ASTN2: variants seen among roughly 807,000 people sequenced by gnomAD.
ASTN2 encodes astrotactin 2.
ASTN2 carries 54 observed loss-of-function variants against 139.8 expected under a neutral mutation model. The observed-to-expected ratio is 0.39, with a 90% CI of 0.31 to 0.48. The LOEUF is 0.48. Ranked by LOEUF, ASTN2 falls within the 20% of genes least tolerant of loss-of-function variation. The probability of loss-of-function intolerance (pLI) is 0.95; values close to 1 mark genes in which losing one functional copy is unlikely to be tolerated. For missense variants in ASTN2, 1,565 were observed against 1,725.1 expected, an observed-to-expected ratio of 0.91 and a Z score of 1.64; for synonymous variants, 756 against 719.5, an observed-to-expected ratio of 1.05 and a Z score of -0.81.
intron 19 of ASTN2, among the ~76,000 whole-genome samples, chr9:116,533,958 C>G (rs1851487782): frequency 6.6e-6 from 1 of 152,170 alleles, no homozygotes; most frequent in African/African-American, 2.4e-5. Flanking sequence ...CCTTGTACCT[C>G]TGGTAGAATT....
intron 19 of ASTN2, chr9:116,582,906 T>C (rs1225942641): frequency 6.6e-6 from 1 of 152,262 alleles, no homozygotes. Flanking sequence ...CTGTCTTGTC[T>C]CCTCTCGACA....
At chr9:116,667,013 C>T (rs1858909668) in intron 16 of ASTN2, among the ~76,000 whole-genome samples, 3 of 124,982 alleles carry the variant, frequency 2.4e-5, no homozygotes, top group Non-Finnish European at 4.7e-5. Context: ...TGGGGTGTAG[C>T]GGTGTGATCT....
intron 19 of ASTN2, among the ~76,000 whole-genome samples, chr9:116,607,340 C>G (rs1233589794): frequency 1.3e-5 from 2 of 151,874 alleles, no homozygotes; most frequent in African/African-American, 2.4e-5. Flanking sequence ...AAACAACTGC[C>G]CACCCACAAA....
At chr9:117,072,820 A>T (rs147004422) in intron 5 of ASTN2, among the ~76,000 whole-genome samples, 180 of 152,296 alleles carry the variant, frequency 1.2e-3, no homozygotes, top group African/African-American at 4.1e-3. Context: ...CAGAACTAAA[A>T]CCTTTGACTT....
At chr9:116,940,283 A>G (rs1835187784) in intron 10 of ASTN2, among the ~76,000 whole-genome samples, 1 of 152,144 alleles carries the variant, frequency 6.6e-6, no homozygotes, top group South Asian at 2.1e-4. Context: ...CCTACTACTT[A>G]TTAAAATCAG....
Position 116,625,459 on chromosome 9 carries a change from C to G in ASTN2, c.3073-5016G>C, listed in dbSNP as rs186903377. Among the ~76,000 whole-genome samples, 180 of 152,276 alleles carry G rather than the reference C, an allele frequency of 1.2e-3. 1 individual carries two copies. Among genetic ancestry groups the G allele is most frequent in the Admixed American group, 3.2e-3 (49 of 15,292 alleles). ...AAAAAATAAAGAAACCCTCCCCACT[C>G]TGGCCCCATTGCTGTCTCCCTGGTG... is the stretch of plus-strand genomic sequence containing the variant. On this transcript the variant is annotated intron_variant, in intron 17 of 22. Coordinates refer to ENST00000313400, the MANE Select transcript of ASTN2 (RefSeq NM_001365068.1).
chr9:116,514,953 C>T (rs192568500), intron 19 of ASTN2, among the ~76,000 whole-genome samples: 65 of 152,180 alleles, frequency 4.3e-4, no homozygotes, highest in African/African-American at 1.0e-3. Flanking sequence ...CCGGGTGAGG[C>T]GATGCCTCAC....
intron 3 of ASTN2, among the ~76,000 whole-genome samples, chr9:117,201,371 T>G (rs1831711915): frequency 6.6e-6 from 1 of 151,724 alleles, no homozygotes; most frequent in African/African-American, 2.4e-5. Context: ...CTCTATCTCC[T>G]TCAATTCTTC....
intron 7 of ASTN2, among the ~76,000 whole-genome samples, chr9:116,999,807 G>A (rs917481277): frequency 1.3e-5 from 2 of 151,940 alleles, no homozygotes; most frequent in African/African-American, 4.8e-5. Context: ...TGATCCACCT[G>A]CCTTAGCGTC....
intron 16 of ASTN2, among the ~76,000 whole-genome samples, chr9:116,667,530 A>C (rs1858939743): frequency 6.6e-6 from 1 of 152,228 alleles, no homozygotes; most frequent in Admixed American, 6.5e-5. Flanking sequence ...CTAGGTGATG[A>C]ATACATAGAG....
At chr9:117,198,963 C>T (rs1357366380) in intron 3 of ASTN2, among the ~76,000 whole-genome samples, 1 of 152,108 alleles carries the variant, frequency 6.6e-6, no homozygotes, top group Non-Finnish European at 1.5e-5. Context: ...ATATCCTTTG[C>T]CCATTTTTTG....
At chr9:117,033,149 C>T (rs1398581784) in intron 6 of ASTN2, among the ~76,000 whole-genome samples, 5 of 152,006 alleles carry the variant, frequency 3.3e-5, no homozygotes, top group Non-Finnish European at 7.4e-5. Context: ...TCTAAAAGTC[C>T]TAAAAAATTA....
At chr9:116,512,036 C>T (rs1004405495) in intron 19 of ASTN2, among the ~76,000 whole-genome samples, 5 of 151,986 alleles carry the variant, frequency 3.3e-5, no homozygotes, top group Non-Finnish European at 5.9e-5. Context: ...TATTTCTTGC[C>T]TTCTGCTAGC....
intron 13 of ASTN2, among the ~76,000 whole-genome samples, chr9:116,775,805 A>AAGGAGGAGGGG: frequency 6.9e-6 from 1 of 143,898 alleles, no homozygotes; most frequent in African/African-American, 2.6e-5. Context: ...AGGAGGAGGG[A>AAGGAGGAGGGG]AGGAAGAAAG....
intron 12 of ASTN2, among the ~76,000 whole-genome samples, chr9:116,815,084 A>G (rs1337311051): frequency 1.3e-5 from 2 of 152,238 alleles, no homozygotes; most frequent in Non-Finnish European, 1.5e-5. Flanking sequence ...GGAAACCACA[A>G]TAAAACAAGT....
At position 117,414,681 on chromosome 9, in the gene ASTN2, G is replaced by T; in HGVS notation, c.258C>A (p.Ala86=). 8.0e-7 allele frequency: 1 copy of T among 1,250,792 alleles called. No individual in the cohort carries two copies. The highest frequency in any genetic ancestry group is 1.0e-6 in the Non-Finnish European group (1 of 1,001,108). The allele number at this position is 1,250,792 out of a possible 1,614,324, so 77.5% of individuals were successfully genotyped here. The change falls in exon 1 of 23, where the codon GCC becomes GCA. Residue 86 remains alanine (A), a synonymous_variant. Transcript: ENST00000313400. This position sits in a 1 kb window ranked among gnomAD's most constrained non-coding sequence, Gnocchi z 4.2. ...CGGTCCCAGCCCCGGCCCCGGCGCGGGCGCCGCTCCAGCCGATGTCGCTCT... is the reference window on the plus strand; with the variant it reads ...CGGTCCCAGCCCCGGCCCCGGCGCGTGCGCCGCTCCAGCCGATGTCGCTCT... The part of the protein sequence containing the change: ...LRESDIGWSG[A]RAGAGAGTGA...
chr9:116,940,351 A>G (rs1443090124), intron 10 of ASTN2, among the ~76,000 whole-genome samples: 4 of 152,028 alleles, frequency 2.6e-5, no homozygotes, highest in Non-Finnish European at 4.4e-5. Flanking sequence ...CTCAGACAAT[A>G]CCTCCAGGAG....
chr9:116,522,251 T>C (rs1295565169), intron 19 of ASTN2, among the ~76,000 whole-genome samples: 1 of 151,964 alleles, frequency 6.6e-6, no homozygotes, highest in Non-Finnish European at 1.5e-5. Context: ...TTGCCAAAAA[T>C]ATGGAACCAG....
intron 3 of ASTN2, among the ~76,000 whole-genome samples, chr9:117,185,156 T>C (rs770361536): frequency 2.0e-4 from 30 of 152,226 alleles, no homozygotes; most frequent in Non-Finnish European, 3.7e-4. Context: ...AGTGTGTCTA[T>C]AAACATTTTG....
Sources: allele counts gnomAD v4.1 joint callset (sites outside exome capture counted in the v4.1 genomes callset), GRCh38; gene constraint gnomAD v4.1.1; non-coding constraint Gnocchi (gnomAD v3.1); transcripts MANE v1.5; gene names NCBI Gene and HGNC (gene_info 2026-07-23, HGNC 2026-07-21).